Variants in UTP20 observed in about 807,000 individuals in gnomAD.
The protein encoded by UTP20 is UTP20 small subunit processome component.
In UTP20, 164 loss-of-function variants were observed where a neutral mutation model predicts 329.5. The observed-to-expected ratio is 0.50, with a 90% CI of 0.44 to 0.57. The LOEUF (loss-of-function observed/expected upper bound fraction) is 0.57, where lower values mean the gene tolerates loss of function less well. Among genes scored for constraint, UTP20 ranks in the 20% least tolerant of loss-of-function variants. UTP20 has a pLI of 0.00. For missense variants in UTP20, 3,055 were observed against 3,284.2 expected, an observed-to-expected ratio of 0.93 and a Z score of 1.71; for synonymous variants, 1,151 against 1,159.3, an observed-to-expected ratio of 0.99 and a Z score of 0.14.
At chr12:101,311,408 T>C (rs940465426) in intron 19 of UTP20, among the ~76,000 whole-genome samples, 13 of 152,188 alleles carry the variant, frequency 8.5e-5, no homozygotes, top group Admixed American at 2.0e-4. Context: ...GGCCCCTTCT[T>C]CTCTTAATGG....
rs1197613106 is a variant in UTP20 at position 101,366,687 on chromosome 12, G to C, written c.6255G>C (p.Glu2085Asp). ...SRKTNMHIFI[E>D]SGLRLLHLSL... ...AAACCAACATGCACATATTTATTGA[G>C]TCCGGGCTTCGGGTAAGAATTAACC... The change falls in exon 47 of 62, where the codon GAG (glutamate) becomes GAC (aspartate). Residue 2085 changes from glutamate to aspartate, a missense_variant. Around this residue, in one of 3 missense-constraint regions of UTP20, gnomAD observed 2,445 missense variants for 2,575.5 expected, o/e 0.95. Coordinates refer to ENST00000261637, the MANE Select transcript of UTP20 (RefSeq NM_014503.3). The C allele has an allele frequency of 2.6e-5, 42 of 1,613,652 alleles. No individual in the cohort carries two copies. Among genetic ancestry groups the C allele is most frequent in the Non-Finnish European group, 3.6e-5 (42 of 1,179,912 alleles).
chr12:101,330,478 G>C (rs1034803159), intron 27 of UTP20, among the ~76,000 whole-genome samples: 68 of 152,192 alleles, frequency 4.5e-4, no homozygotes, highest in Non-Finnish European at 9.4e-4. Flanking sequence ...GCTCGAAGCA[G>C]GTGAGTAATA....
intron 15 of UTP20, among the ~76,000 whole-genome samples, chr12:101,304,639 A>G (rs7973134): frequency 0.72 from 108,869 of 152,132 alleles, 40,697 homozygotes; most frequent in East Asian, 0.95. Flanking sequence ...CTGTCACAGC[A>G]TGGGGAAAGA....
rs1181319511 is a variant in UTP20 at position 101,306,033 on chromosome 12, T to C, written c.1900T>C (p.Leu634=). The C allele has an allele frequency of 1.2e-6, 2 of 1,613,352 alleles. No homozygotes were observed. The highest frequency in any genetic ancestry group is 3.3e-5 in the Admixed American group (2 of 59,946). Residue 634 remains leucine (L), a synonymous_variant, in exon 16 of 62, where the codon TTA becomes CTA. Coordinates refer to ENST00000261637, the MANE Select transcript of UTP20 (RefSeq NM_014503.3). ...QEALMELFPK[L]QANISTGVSK... ...GGCTTTAATGGAATTATTTCCCAAGTTACAAGCAAACATTTCAACTGGTGT... is the reference window on the plus strand; with the variant it reads ...GGCTTTAATGGAATTATTTCCCAAGCTACAAGCAAACATTTCAACTGGTGT...
intron 43 of UTP20, among the ~76,000 whole-genome samples, chr12:101,359,487 A>G (rs11110766): frequency 1.5e-4 from 17 of 112,858 alleles, no homozygotes; most frequent in African/African-American, 5.4e-4. Context: ...GTGTGTGTGT[A>G]TGTATGTGTG....
At chr12:101,284,232 C>T (rs558408419) in intron 2 of UTP20, among the ~76,000 whole-genome samples, 29 of 152,086 alleles carry the variant, frequency 1.9e-4, no homozygotes, top group African/African-American at 4.6e-4. Flanking sequence ...TTTTTTTTAA[C>T]CCATCCCCAC....
intron 56 of UTP20, among the ~76,000 whole-genome samples, chr12:101,378,048 C>T (rs1444467093): frequency 6.6e-6 from 1 of 151,998 alleles, no homozygotes; most frequent in South Asian, 2.1e-4. Context: ...ATGGTGAAAC[C>T]CCATCTCTAT....
At chr12:101,313,712 G>A (rs1480125906) in intron 21 of UTP20, among the ~76,000 whole-genome samples, 2 of 151,750 alleles carry the variant, frequency 1.3e-5, no homozygotes, top group Admixed American at 6.6e-5. Flanking sequence ...TGTGGGACGG[G>A]TGTGTGTGGT....
Position 101,343,731 on chromosome 12 carries a change from C to T in UTP20, c.4449+638C>T, listed in dbSNP as rs528343610. On this transcript the variant is annotated intron_variant, in intron 35 of 61. Transcript: ENST00000261637. ...TTCACCATGTTGGCCAGGCTAGTCTCGAACTTCTGACCTCAGGCGATCCGC... is the reference window on the plus strand; with the variant it reads ...TTCACCATGTTGGCCAGGCTAGTCTTGAACTTCTGACCTCAGGCGATCCGC... Among the ~76,000 whole-genome samples the T allele has an allele frequency of 7.2e-5, 11 of 152,226 alleles. No homozygotes were observed. In the South Asian group the frequency reaches 2.3e-3, roughly 32 times the overall value.
At chr12:101,313,177 T>G (rs752670890) in intron 21 of UTP20, among the ~76,000 whole-genome samples, 4 of 152,180 alleles carry the variant, frequency 2.6e-5, no homozygotes, top group Non-Finnish European at 5.9e-5. Context: ...TGCAGAACAT[T>G]ATTAAGTAAT....
chr12:101,378,265 G>T (rs79775259), intron 56 of UTP20, among the ~76,000 whole-genome samples: 4,493 of 152,164 alleles, frequency 0.03, 116 homozygotes, highest in South Asian at 0.047. Flanking sequence ...TTGTTATGAG[G>T]TCTAAATGAG....
Position 101,291,753 on chromosome 12 carries a change from G to A in UTP20, c.903G>A (p.Leu301=), listed in dbSNP as rs376460391. The A allele has an allele frequency of 4.0e-5, 60 of 1,502,186 alleles. No individual in the cohort carries two copies. The African/African-American group carries it at 8.7e-4, about 22-fold the overall frequency. 93.1% of individuals were successfully genotyped at this position (1,502,186 alleles called of 1,614,324 possible). A position where few individuals can be genotyped will look rare whatever the true frequency, so the allele number is the denominator to read the frequency against. The part of the protein sequence containing the change: ...TFFECLQESL[L]DLHTKVTKTN... ...TTCTTTGTTTGCAGGAATCGCTCTT[G>A]GATCTACACACAAAAGTAACAAAAA... Residue 301 remains leucine, a synonymous_variant, in exon 9 of 62, where the codon TTG becomes TTA. Transcript: ENST00000261637.
intron 12 of UTP20, among the ~76,000 whole-genome samples, chr12:101,296,500 G>A (rs951564000): frequency 1.3e-5 from 2 of 152,006 alleles, no homozygotes; most frequent in Middle Eastern, 6.8e-3. Context: ...GAACCCGGGA[G>A]GTGGAGCTTG....
At chr12:101,325,091 T>G (rs1868509681) in intron 25 of UTP20, among the ~76,000 whole-genome samples, 1 of 152,194 alleles carries the variant, frequency 6.6e-6, no homozygotes, top group Non-Finnish European at 1.5e-5. Context: ...ACAGATTATG[T>G]TAGTCCCCTG....
intron 18 of UTP20, among the ~76,000 whole-genome samples, chr12:101,309,401 G>A (rs563275091): frequency 1.2e-4 from 18 of 152,206 alleles, no homozygotes; most frequent in African/African-American, 3.9e-4. Context: ...TGCGTTCTTC[G>A]GCATGTGTGC....
chr12:101,332,325 G>A (rs12367779), intron 27 of UTP20, among the ~76,000 whole-genome samples: 18,413 of 152,160 alleles, frequency 0.12, 1,370 homozygotes, highest in Middle Eastern at 0.23. Context: ...CAACAAGAGC[G>A]AAGCTCCATC....
chr12:101,319,000 C>A (rs939522192), intron 22 of UTP20, among the ~76,000 whole-genome samples: 1 of 152,138 alleles, frequency 6.6e-6, no homozygotes, highest in African/African-American at 2.4e-5. Flanking sequence ...AATACTCTCC[C>A]CTTATCCATG....
At chr12:101,318,394 C>T (rs1035072494) in intron 22 of UTP20, among the ~76,000 whole-genome samples, 1 of 152,166 alleles carries the variant, frequency 6.6e-6, no homozygotes, top group Non-Finnish European at 1.5e-5. Flanking sequence ...TTCATCCATT[C>T]AACAACTGTA....
chr12:101,286,550 C>G, intron 5 of UTP20, 41 bp downstream of exon 5: 2 of 1,446,328 alleles, frequency 1.4e-6, no homozygotes, highest in Non-Finnish European at 1.8e-6. Flanking sequence ...TAATTGCCTG[C>G]TTCTTTTTCC....
Sources: gnomAD v4.1 joint callset for allele counts (sites outside exome capture counted in the v4.1 genomes callset) on GRCh38, gnomAD v4.1.1 for gene constraint, gnomAD v4.1.1 regional missense constraint, MANE v1.5 for transcripts, NCBI Gene and HGNC (gene_info 2026-07-23, HGNC 2026-07-21) for gene names.